Variants in CNKSR3 observed in about 807,000 individuals in gnomAD.
The protein encoded by CNKSR3 is connector enhancer of kinase suppressor of ras 3.
CNKSR3 carries 36 observed loss-of-function variants against 67.7 expected under a neutral mutation model. The ratio of observed to expected loss-of-function variants is 0.53; its 90% confidence interval spans 0.41 to 0.70. CNKSR3 has a LOEUF of 0.70. CNKSR3 is among the 30% of genes least tolerant of loss of function. The pLI, the probability that CNKSR3 is intolerant of heterozygous loss-of-function variation, is 0.00. For synonymous variants in CNKSR3, 281 were observed against 271.4 expected (o/e 1.04, Z -0.35); for missense variants, 630 against 695.2 (o/e 0.91, Z 1.05).
intron 2 of CNKSR3, among the ~76,000 whole-genome samples, chr6:154,442,713 A>C (rs1198366241): frequency 2.0e-5 from 3 of 151,974 alleles, no homozygotes; most frequent in Admixed American, 6.6e-5. Flanking sequence ...ACCTTACAAC[A>C]ACCACAAAAC....
At chr6:154,433,612 T>A in intron 4 of CNKSR3, 105 bp from the exon 5 acceptor site, 1 of 808,102 alleles carries the variant, frequency 1.2e-6, no homozygotes, top group Non-Finnish European at 2.1e-6. Flanking sequence ...AGACGGTCCC[T>A]GACACACCCG....
At chr6:154,436,347 T>C (rs75490415) in intron 4 of CNKSR3, among the ~76,000 whole-genome samples, 1 of 148,210 alleles carries the variant, frequency 6.7e-6, no homozygotes. Context: ...AACTCCTTAA[T>C]TTTTTTTTTT....
Position 154,400,517 on chromosome 6 carries a change from G to T in CNKSR3, c.*5837C>A, listed in dbSNP as rs902356990. ...GCCCAAAGGTTCTGAAAAACTGTGT[G>T]TGACAGTCTCCTGGCTGTGTAGCAT... is the stretch of plus-strand genomic sequence containing the variant. On this transcript the variant is annotated 3_prime_UTR_variant, in exon 13 of 13. Transcript: ENST00000607772. 1.3e-5 allele frequency: 2 copies of T among 152,230 alleles called. No individual in the cohort carries two copies. Among genetic ancestry groups the T allele is most frequent in the Non-Finnish European group, 2.9e-5 (2 of 68,042 alleles). The allele number at this position is 152,230 out of a possible 1,614,324, so 9.4% of individuals were successfully genotyped here. A position where few individuals can be genotyped will look rare whatever the true frequency, so the allele number is the denominator to read the frequency against.
In CNKSR3 at chr6:154,510,122, C is replaced by T. The variant is rs756491167; in HGVS notation, c.-8G>A. On this transcript the variant is annotated 5_prime_UTR_variant, in exon 1 of 13. Coordinates refer to ENST00000607772, the MANE Select transcript of CNKSR3 (RefSeq NM_173515.4). The stretch of plus-strand genomic sequence containing the variant: ...CTTGGTCACGGGTTCCATGGTAAAC[C>T]GCTTCGCCTCTCGCTGGGCTGGAGA... 24 of 1,614,146 alleles carry T rather than the reference C, an allele frequency of 1.5e-5. No individual in the cohort carries two copies. Among genetic ancestry groups the T allele is most frequent in the Middle Eastern group, 1.6e-4 (1 of 6,062 alleles).
chr6:154,467,466 G>C (rs1786227941), intron 1 of CNKSR3, among the ~76,000 whole-genome samples: 1 of 152,090 alleles, frequency 6.6e-6, no homozygotes, highest in South Asian at 2.1e-4. Context: ...TCAACAGGTG[G>C]TCCTGAAGAG....
chr6:154,500,092 ACATG>A, intron 1 of CNKSR3, among the ~76,000 whole-genome samples: 1 of 152,152 alleles, frequency 6.6e-6, no homozygotes, highest in East Asian at 1.9e-4. Flanking sequence ...AACAGGTGTT[ACATG>A]AAGTCTGATC....
Position 154,406,434 on chromosome 6 carries a change from A to G in CNKSR3, c.1588T>C (p.Ser530Pro). 1 of 1,614,136 alleles carries G rather than the reference A, an allele frequency of 6.2e-7. No homozygotes were observed. The highest frequency in any genetic ancestry group is 8.5e-7 in the Non-Finnish European group (1 of 1,180,028). ...GTGGACGAGGACTTCGTAGCTGAGG[A>G]GCCAGATTTCTTTTTGGTCCCTTCC... ...QEEGTKKKSG[S>P]SATKSSSTEP... Residue 530 changes from serine (S) to proline (P), a missense_variant, in exon 13 of 13, where the codon TCC (serine) becomes CCC (proline). Around this residue, in one of 3 missense-constraint regions of CNKSR3, gnomAD observed 308 missense variants for 299.6 expected, o/e 1.03. Transcript: ENST00000607772.
chr6:154,415,228 ATT>A lies in CNKSR3; in HGVS notation c.946-807_946-806del, dbSNP rs35873703. 1.4e-3 allele frequency among the ~76,000 whole-genome samples: 169 copies of A among 118,082 alleles called. 5 individuals carry two copies. The highest frequency in any genetic ancestry group is 4.0e-3 in the African/African-American group (120 of 30,266). 77.5% of individuals were successfully genotyped at this position (118,082 alleles called of 152,430 possible). A position where few individuals can be genotyped will look rare whatever the true frequency, so the allele number is the denominator to read the frequency against. On this transcript the variant is annotated intron_variant, in intron 9 of 12. Transcript: ENST00000607772. ...TCCTGGCTAGACTTACTAGCTGCCC[ATT>A]TTTTTTTTTTTTTTTTTTAAGATGG...
At chr6:154,473,787 A>AT (rs112576704) in intron 1 of CNKSR3, among the ~76,000 whole-genome samples, 15 of 148,364 alleles carry the variant, frequency 1.0e-4, no homozygotes, top group East Asian at 2.0e-4. Context: ...TCTCTCCACT[A>AT]TTTTTTTTTT....
At chr6:154,438,418 T>C (rs1354265163) in intron 4 of CNKSR3, among the ~76,000 whole-genome samples, 2 of 152,300 alleles carry the variant, frequency 1.3e-5, no homozygotes, top group African/African-American at 4.8e-5. Flanking sequence ...TTTAGGTATT[T>C]ATGGTAACCA....
intron 1 of CNKSR3, 52 bp downstream of exon 1, chr6:154,510,011 C>G: frequency 6.3e-7 from 1 of 1,599,528 alleles, no homozygotes; most frequent in Non-Finnish European, 8.6e-7. Context: ...AGCTCCTCGT[C>G]CGCCCCATCC....
chr6:154,491,407 C>A (rs576646601), intron 1 of CNKSR3, among the ~76,000 whole-genome samples: 2 of 152,330 alleles, frequency 1.3e-5, no homozygotes, highest in East Asian at 3.9e-4. Flanking sequence ...ATTGGTTTCT[C>A]TCCAGTTGCA....
intron 12 of CNKSR3, among the ~76,000 whole-genome samples, chr6:154,409,943 A>C: frequency 6.6e-6 from 1 of 151,676 alleles, no homozygotes; most frequent in East Asian, 1.9e-4. Context: ...GCTACTCAGG[A>C]GGCTGAGGCA....
intron 2 of CNKSR3, among the ~76,000 whole-genome samples, chr6:154,449,558 C>G (rs1023453428): frequency 5.9e-5 from 9 of 152,348 alleles, no homozygotes; most frequent in African/African-American, 2.2e-4. Context: ...CTCCTGGACT[C>G]AAGCAATCCA....
In CNKSR3 at chr6:154,509,948, G is replaced by A. The variant is rs1787180876; in HGVS notation, c.52+115C>T. 1.2e-5 allele frequency: 13 copies of A among 1,116,418 alleles called. No homozygotes were observed. The South Asian group carries it at 1.5e-4, about 13-fold the overall frequency. The allele number at this position is 1,116,418 out of a possible 1,614,324, so 69.2% of individuals were successfully genotyped here. A position where few individuals can be genotyped will look rare whatever the true frequency, so the allele number is the denominator to read the frequency against. ...CGGCAGAAGTTTGCATTGTCACCGGGCTGTGCCCTCACCGCTTCTCGCCGG... is the reference window on the plus strand; with the variant it reads ...CGGCAGAAGTTTGCATTGTCACCGGACTGTGCCCTCACCGCTTCTCGCCGG... On this transcript the variant is annotated intron_variant, in intron 1 of 12. Transcript: ENST00000607772.
chr6:154,434,576 T>C (rs1785432572), intron 4 of CNKSR3, among the ~76,000 whole-genome samples: 1 of 152,236 alleles, frequency 6.6e-6, no homozygotes, highest in South Asian at 2.1e-4. Context: ...AATCAGACTT[T>C]TATTGTCTTC....
At chr6:154,484,801 T>C (rs995017832) in intron 1 of CNKSR3, among the ~76,000 whole-genome samples, 7 of 147,790 alleles carry the variant, frequency 4.7e-5, no homozygotes, top group Non-Finnish European at 7.5e-5. Flanking sequence ...TACTTGAAAA[T>C]AAAAATCAAT....
At position 154,452,246 on chromosome 6, in the gene CNKSR3, G is replaced by A. The variant is rs558034369; in HGVS notation, c.53-1988C>T. Among the ~76,000 whole-genome samples the A allele has an allele frequency of 8.5e-5, 13 of 152,212 alleles. No individual in the cohort carries two copies. The South Asian group carries it at 2.7e-3, about 32-fold the overall frequency. The stretch of plus-strand genomic sequence containing the variant: ...CTGATGCACCCATCATCAAGGGTCT[G>A]TTGGACACAGCCTCGCTCTTCTGCA... On this transcript the variant is annotated intron_variant, in intron 1 of 12. Coordinates refer to ENST00000607772, the MANE Select transcript of CNKSR3 (RefSeq NM_173515.4).
rs1310978463 is a variant in CNKSR3 at position 154,406,296 on chromosome 6, C to T, written c.*58G>A. The T allele has an allele frequency of 5.3e-6, 8 of 1,499,956 alleles. No individual in the cohort carries two copies. In the Admixed American group the frequency reaches 1.2e-4, roughly 22 times the overall value. The allele number at this position is 1,499,956 out of a possible 1,614,324, so 92.9% of individuals were successfully genotyped here. ...GGCTGAAACGAGAAGAGGCTGTCCA[C>T]TGTAAAAGCAAGGCACTTGGGGCAG... is the stretch of plus-strand genomic sequence containing the variant. On this transcript the variant is annotated 3_prime_UTR_variant, in exon 13 of 13. Transcript: ENST00000607772.
Sources: allele counts gnomAD v4.1 joint callset (sites outside exome capture counted in the v4.1 genomes callset), GRCh38; gene constraint gnomAD v4.1.1; regional missense constraint gnomAD v4.1.1; transcripts MANE v1.5; gene names NCBI Gene and HGNC (gene_info 2026-07-23, HGNC 2026-07-21).